The following PPP3R1 variants were observed in gnomAD, a reference collection of about 807,000 sequenced individuals.
The protein encoded by PPP3R1 is protein phosphatase 3 regulatory subunit B, alpha, also known as calcineurin subunit B type 1.
A neutral mutation model predicts 22.6 loss-of-function variants in PPP3R1; 5 were observed. That is an observed-to-expected ratio of 0.22 (90% CI 0.12 to 0.46). PPP3R1 has a LOEUF of 0.46. PPP3R1 is among the 20% of genes least tolerant of loss of function. The pLI is 0.99. For missense variants in PPP3R1, 61 were observed against 203.2 expected, an observed-to-expected ratio of 0.30 and a Z score of 4.25; for synonymous variants, 56 against 65.2, an observed-to-expected ratio of 0.86 and a Z score of 0.68.
chr2:68,210,533 A>G (rs1176508284), intron 2 of PPP3R1, among the ~76,000 whole-genome samples: 1 of 152,228 alleles, frequency 6.6e-6, no homozygotes, highest in East Asian at 1.9e-4. Context: ...TTCAAATCCA[A>G]CTAAGTCAGA....
chr2:68,243,426 C>T (rs1018160339), intron 1 of PPP3R1, among the ~76,000 whole-genome samples: 1 of 151,938 alleles, frequency 6.6e-6, no homozygotes, highest in African/African-American at 2.4e-5. Flanking sequence ...AAGATGAGGG[C>T]TACTGGAGAA....
chr2:68,248,870 A>G (rs568211301), intron 1 of PPP3R1, among the ~76,000 whole-genome samples: 14 of 152,316 alleles, frequency 9.2e-5, no homozygotes, highest in African/African-American at 2.9e-4. Context: ...GACACTCATC[A>G]CATGCTAACT....
intron 2 of PPP3R1, among the ~76,000 whole-genome samples, chr2:68,199,264 A>G (rs1034495525): frequency 3.9e-5 from 6 of 152,068 alleles, no homozygotes; most frequent in African/African-American, 1.4e-4. Flanking sequence ...TCCCAGACCC[A>G]TTTCATTTTT....
At chr2:68,226,861 T>C (rs199525735) in intron 1 of PPP3R1, among the ~76,000 whole-genome samples, 1 of 152,140 alleles carries the variant, frequency 6.6e-6, no homozygotes, top group Non-Finnish European at 1.5e-5. Context: ...AGTCCAGTTA[T>C]TCAAGCACTT....
intron 2 of PPP3R1, among the ~76,000 whole-genome samples, chr2:68,203,750 C>T (rs1675037120): frequency 6.6e-6 from 1 of 152,176 alleles, no homozygotes; most frequent in African/African-American, 2.4e-5. Context: ...TATCCTTAAA[C>T]TTTCACATCA....
intron 1 of PPP3R1, among the ~76,000 whole-genome samples, chr2:68,239,118 T>C (rs1404291434): frequency 6.6e-6 from 1 of 151,776 alleles, no homozygotes; most frequent in East Asian, 1.9e-4. Flanking sequence ...TCTAGAAGAG[T>C]TGTGCAATAA....
intron 1 of PPP3R1, among the ~76,000 whole-genome samples, chr2:68,219,500 A>G (rs1464011492): frequency 1.3e-5 from 2 of 152,140 alleles, no homozygotes; most frequent in East Asian, 3.8e-4. Context: ...TAATTGTTTC[A>G]TTCAGGTTTG....
At chr2:68,239,905 C>CA (rs2103806472) in intron 1 of PPP3R1, among the ~76,000 whole-genome samples, 1 of 152,278 alleles carries the variant, frequency 6.6e-6, no homozygotes, top group South Asian at 2.1e-4. Context: ...GGTTGATTTT[C>CA]AACTTTATGA....
intron 1 of PPP3R1, among the ~76,000 whole-genome samples, chr2:68,243,777 T>G (rs1209665105): frequency 2.0e-5 from 3 of 152,206 alleles, no homozygotes; most frequent in Admixed American, 2.0e-4. Context: ...GGACTAAAAC[T>G]GATTGTAATG....
chr2:68,194,220 A>G (rs960879314), intron 2 of PPP3R1, among the ~76,000 whole-genome samples: 6 of 152,166 alleles, frequency 3.9e-5, no homozygotes, highest in Admixed American at 3.3e-4. Flanking sequence ...TTTATAAAAC[A>G]TAAAAAGTTA....
intron 2 of PPP3R1, among the ~76,000 whole-genome samples, chr2:68,195,765 T>G (rs4671879): frequency 0.25 from 37,655 of 152,056 alleles, 4,918 homozygotes; most frequent in African/African-American, 0.31. Context: ...CATGGACTCA[T>G]GAGTATTTTA....
At chr2:68,224,525 G>T (rs577707043) in intron 1 of PPP3R1, among the ~76,000 whole-genome samples, 1 of 152,132 alleles carries the variant, frequency 6.6e-6, no homozygotes, top group African/African-American at 2.4e-5. Context: ...CTAGCCGGGC[G>T]TGGTGGCAGG....
At chr2:68,200,986 TTC>T (rs377422009) in intron 2 of PPP3R1, among the ~76,000 whole-genome samples, 217 of 152,338 alleles carry the variant, frequency 1.4e-3, no homozygotes, top group East Asian at 0.013. Context: ...CCTTCAAGTA[TTC>T]TGTTATTAAT....
chr2:68,227,807 T>C (rs530109269), intron 1 of PPP3R1, among the ~76,000 whole-genome samples: 27 of 152,308 alleles, frequency 1.8e-4, no homozygotes, highest in African/African-American at 6.0e-4. Context: ...CAACAATTTT[T>C]GTGTTTATCT....
intron 1 of PPP3R1, among the ~76,000 whole-genome samples, chr2:68,229,948 ATG>A (rs1044463374): frequency 2.3e-4 from 33 of 144,776 alleles, no homozygotes; most frequent in South Asian, 4.4e-4. Flanking sequence ...GTGTGTATAT[ATG>A]TGTGTGTGTA....
In PPP3R1 at chr2:68,221,447, T is replaced by TGCAC. The variant is rs774511337; in HGVS notation, c.4-4317_4-4316insGTGC. ...TGATAGGTCAAGGGTGCAGTGAGCC[T>TGCAC]TGAGCACACCACTGCACTCCAGCCT... On this transcript the variant is annotated intron_variant, in intron 1 of 5. Coordinates refer to ENST00000234310, the MANE Select transcript of PPP3R1 (RefSeq NM_000945.4). Among the ~76,000 whole-genome samples, 495 of 150,554 alleles carry TGCAC rather than the reference T, an allele frequency of 3.3e-3. 2 individuals carry two copies. Among genetic ancestry groups the TGCAC allele is most frequent in the South Asian group, 0.01 (48 of 4,710 alleles).
At position 68,179,009 on chromosome 2, in the gene PPP3R1, A is replaced by AAGAAG. The variant is rs1553403010; in HGVS notation, c.*1953_*1954insCTTCT. On this transcript the variant is annotated 3_prime_UTR_variant, in exon 6 of 6. Transcript: ENST00000234310. ...CACACACAAACTAAAAAAAAAAAAAAAAAAAAAGAAAAAGAAAAAACCCTC... is the reference window on the plus strand; with the variant it reads ...CACACACAAACTAAAAAAAAAAAAAAAGAAGAAAAAAAGAAAAAGAAAAAACCCTC... 2.4e-5 allele frequency: 3 copies of AAGAAG among 122,528 alleles called. No individual in the cohort carries two copies. Among genetic ancestry groups the AAGAAG allele is most frequent in the Non-Finnish European group, 4.9e-5 (3 of 61,322 alleles). 7.6% of individuals were successfully genotyped at this position (122,528 alleles called of 1,614,324 possible). A position where few individuals can be genotyped will look rare whatever the true frequency, so the allele number is the denominator to read the frequency against.
chr2:68,251,998 C>G (rs1299299826), intron 1 of PPP3R1, 127 bp downstream of exon 1: 6 of 979,416 alleles, frequency 6.1e-6, no homozygotes, highest in Middle Eastern at 7.0e-4. Flanking sequence ...CGGGACCCGC[C>G]GGGCCCGGGT....
chr2:68,209,252 G>C (rs1452389688), intron 2 of PPP3R1, among the ~76,000 whole-genome samples: 52 of 145,516 alleles, frequency 3.6e-4, no homozygotes, highest in African/African-American at 1.3e-3. Context: ...CCAGCTACTT[G>C]GGAGGCTGAG....
Sources: allele counts gnomAD v4.1 joint callset (sites outside exome capture counted in the v4.1 genomes callset), GRCh38; gene constraint gnomAD v4.1.1; transcripts MANE v1.5; gene names NCBI Gene and HGNC (gene_info 2026-07-23, HGNC 2026-07-21).